The following DENND2B variants were observed in gnomAD, a reference collection of about 807,000 sequenced individuals.
DENND2B encodes the protein DENN domain containing 2B.
DENND2B carries 32 observed loss-of-function variants against 116.0 expected under a neutral mutation model. That is an observed-to-expected ratio of 0.28 (90% CI 0.21 to 0.37). The LOEUF (loss-of-function observed/expected upper bound fraction) is 0.37, where lower values mean the gene tolerates loss of function less well. Among genes scored for constraint, DENND2B ranks in the 10% least tolerant of loss-of-function variants. The probability of loss-of-function intolerance (pLI) is 1.00; values close to 1 mark genes in which losing one functional copy is unlikely to be tolerated. For synonymous variants in DENND2B, 588 were observed against 583.9 expected (o/e 1.01, Z -0.10); for missense variants, 1,276 against 1,477.7 (o/e 0.86, Z 2.24).
chr11:8,714,508 T>A, intron 7 of DENND2B, 102 bp downstream of exon 7: 1 of 1,004,348 alleles, frequency 1.0e-6, no homozygotes, highest in East Asian at 2.5e-5. Flanking sequence ...ACGTGGCCAT[T>A]TCCTGGCAGG....
At chr11:8,704,559 G>T (rs1269779308) in intron 13 of DENND2B, among the ~76,000 whole-genome samples, 1 of 152,200 alleles carries the variant, frequency 6.6e-6, no homozygotes, top group Non-Finnish European at 1.5e-5. Context: ...CCTCAAGCTA[G>T]GATTTGCCAC....
At chr11:8,853,656 G>T (rs888797090) in intron 3 of DENND2B, among the ~76,000 whole-genome samples, 1 of 152,004 alleles carries the variant, frequency 6.6e-6, no homozygotes, top group South Asian at 2.1e-4. Context: ...AAAAGTGAAC[G>T]TAATTGAAAA....
At position 8,702,457 on chromosome 11, in the gene DENND2B, A is replaced by G; in HGVS notation, c.2720+115T>C. The stretch of plus-strand genomic sequence containing the variant: ...CCTAGTCTTCCATCTCCCTACGCAC[A>G]GCCCCACTCCAGCACTGGTCTCCGG... On this transcript the variant is annotated intron_variant, in intron 14 of 19. Coordinates refer to ENST00000313726, the MANE Select transcript of DENND2B (RefSeq NM_213618.2). The surrounding 1 kb of genome is among the most constrained non-coding windows in gnomAD (Gnocchi z 4.6). The G allele has an allele frequency of 6.9e-7, 1 of 1,452,120 alleles. No individual in the cohort carries two copies. Among genetic ancestry groups the G allele is most frequent in the South Asian group, 1.2e-5 (1 of 83,066 alleles). The allele number at this position is 1,452,120 out of a possible 1,614,324, so 90.0% of individuals were successfully genotyped here. A position where few individuals can be genotyped will look rare whatever the true frequency, so the allele number is the denominator to read the frequency against.
At position 8,744,963 on chromosome 11, in the gene DENND2B, C is replaced by T. The variant is rs1474028327; in HGVS notation, c.80+5658G>A. Reference sequence around the variant, plus strand: ...TTAAGACAGGGTTTCAGTCTATGCCCAAGCTGAAGTGCAGTACAATCTTGG... The same window carrying T: ...TTAAGACAGGGTTTCAGTCTATGCCTAAGCTGAAGTGCAGTACAATCTTGG... On this transcript the variant is annotated intron_variant, in intron 2 of 19. Transcript: ENST00000313726. 2.0e-5 allele frequency among the ~76,000 whole-genome samples: 3 copies of T among 151,740 alleles called. No individual in the cohort carries two copies. In the East Asian group the frequency reaches 5.8e-4, roughly 29 times the overall value.
intron 4 of DENND2B, among the ~76,000 whole-genome samples, chr11:8,722,166 T>C (rs141353227): frequency 8.4e-4 from 128 of 152,324 alleles, no homozygotes; most frequent in African/African-American, 2.9e-3. Context: ...CTCAGTATGT[T>C]TGGGAGTACC....
rs2042888077 is a variant in DENND2B, at chr11:8,707,864, G to A, written c.2353-10C>T. 1 of 1,605,598 alleles carries A rather than the reference G, an allele frequency of 6.2e-7. No individual in the cohort carries two copies. Among genetic ancestry groups the A allele is most frequent in the Non-Finnish European group, 8.5e-7 (1 of 1,176,360 alleles). On this transcript the variant is annotated splice_polypyrimidine_tract_variant and intron_variant, in intron 11 of 19. Transcript: ENST00000313726. This position sits in a 1 kb window ranked among gnomAD's most constrained non-coding sequence, Gnocchi z 4.8. ...GCCCTTTCCCACTTGGCTGGGCCAG[G>A]ACAAGGAGGAGGAGGAGAGAGACAG...
At chr11:8,842,902 A>G (rs1433855721) in intron 3 of DENND2B, among the ~76,000 whole-genome samples, 2 of 152,194 alleles carry the variant, frequency 1.3e-5, no homozygotes, top group African/African-American at 2.4e-5. Context: ...AGTTTGATTT[A>G]ATGTTTAGGA....
chr11:8,860,366 GT>G (rs2063350033), intron 2 of DENND2B, among the ~76,000 whole-genome samples: 3 of 152,012 alleles, frequency 2.0e-5, no homozygotes. Flanking sequence ...CAAAATCAAC[GT>G]ACACAAATCA....
At chr11:8,736,908 C>A (rs1215518244) in intron 2 of DENND2B, among the ~76,000 whole-genome samples, 1 of 152,214 alleles carries the variant, frequency 6.6e-6, no homozygotes, top group African/African-American at 2.4e-5. Context: ...AATCTGACTT[C>A]ACATCAGAGG....
chr11:8,714,608 A>ACCT lies in DENND2B; in HGVS notation c.1941_1942+1dup. The ACCT allele has an allele frequency of 1.9e-6, 3 of 1,613,404 alleles. No homozygotes were observed. Among genetic ancestry groups the ACCT allele is most frequent in the Non-Finnish European group, 2.5e-6 (3 of 1,179,516 alleles). ...TGAACCAGCTCTGGCACCAAAGCCT[A>ACCT]CCTCTCAGTGATGCTGTTTCAATGC... is the stretch of plus-strand genomic sequence containing the variant. On this transcript the variant is annotated splice_donor_variant, in intron 7 of 19. Transcript: ENST00000313726. LOFTEE classifies it high-confidence loss of function.
At chr11:8,895,405 T>A (rs936593177) in intron 1 of DENND2B, 13 of 152,172 alleles carry the variant, frequency 8.5e-5, no homozygotes, top group African/African-American at 3.1e-4. Context: ...AAAAAAATTT[T>A]AAAAAAAATG....
chr11:8,764,084 C>T (rs2055165054), intron 1 of DENND2B, among the ~76,000 whole-genome samples: 1 of 152,028 alleles, frequency 6.6e-6, no homozygotes, highest in Non-Finnish European at 1.5e-5. Context: ...ATTAGCTAGG[C>T]ATGAAGGCAG....
intron 1 of DENND2B, among the ~76,000 whole-genome samples, chr11:8,800,973 G>A (rs1039104817): frequency 6.6e-6 from 1 of 151,570 alleles, no homozygotes; most frequent in East Asian, 1.9e-4. Context: ...GGAAGATGAA[G>A]TACCAGGAAC....
At chr11:8,853,708 T>C (rs1594246967) in intron 3 of DENND2B, among the ~76,000 whole-genome samples, 2 of 152,168 alleles carry the variant, frequency 1.3e-5, no homozygotes, top group East Asian at 3.8e-4. Flanking sequence ...ATAATCTTAC[T>C]TTGGTAGAAA....
chr11:8,802,748 G>T (rs1252930248), intron 1 of DENND2B, among the ~76,000 whole-genome samples: 1 of 152,160 alleles, frequency 6.6e-6, no homozygotes, highest in Non-Finnish European at 1.5e-5. Context: ...CAAAGACCTG[G>T]TCTAAGGCTA....
In DENND2B at chr11:8,740,234, C is replaced by G. The variant is rs549824431; in HGVS notation, c.81-9025G>C. 4.4e-4 allele frequency among the ~76,000 whole-genome samples: 67 copies of G among 151,626 alleles called. No homozygotes were observed. The South Asian group carries it at 5.2e-3, about 12-fold the overall frequency. On this transcript the variant is annotated intron_variant, in intron 2 of 19. Transcript: ENST00000313726. ...AAAGAAACAAGAAAAGAAAAAGCATCATGTGTATGTGTGCGCATGCACATA... is the reference window on the plus strand; with the variant it reads ...AAAGAAACAAGAAAAGAAAAAGCATGATGTGTATGTGTGCGCATGCACATA...
chr11:8,847,574 C>T (rs890462896), intron 3 of DENND2B, among the ~76,000 whole-genome samples: 9 of 151,972 alleles, frequency 5.9e-5, no homozygotes, highest in South Asian at 4.2e-4. Flanking sequence ...CAAAGCTTAA[C>T]GATAGAAAAG....
At position 8,712,489 on chromosome 11, in the gene DENND2B, C is replaced by G. The variant is rs2043938569; in HGVS notation, c.2172+62G>C. On this transcript the variant is annotated intron_variant, in intron 9 of 19. Coordinates refer to ENST00000313726, the MANE Select transcript of DENND2B (RefSeq NM_213618.2). This position sits in a 1 kb window ranked among gnomAD's most constrained non-coding sequence, Gnocchi z 4.4. ...AGATCTCTCTCCTTCCCCAGATAGGCCTGGCGGATAGAGGATGGAAGAGGG... is the reference window on the plus strand; with the variant it reads ...AGATCTCTCTCCTTCCCCAGATAGGGCTGGCGGATAGAGGATGGAAGAGGG... 1.3e-6 allele frequency: 2 copies of G among 1,488,758 alleles called. No individual in the cohort carries two copies. The highest frequency in any genetic ancestry group is 1.3e-5 in the South Asian group (1 of 76,892). The allele number at this position is 1,488,758 out of a possible 1,614,324, so 92.2% of individuals were successfully genotyped here. A position where few individuals can be genotyped will look rare whatever the true frequency, so the allele number is the denominator to read the frequency against.
At chr11:8,705,924 C>G (rs1404095858) in intron 13 of DENND2B, among the ~76,000 whole-genome samples, 2 of 152,270 alleles carry the variant, frequency 1.3e-5, no homozygotes, top group East Asian at 3.8e-4. Context: ...CGACCATTAT[C>G]TACATGGCAG....
Sources: gnomAD v4.1 joint callset for allele counts (sites outside exome capture counted in the v4.1 genomes callset) on GRCh38, gnomAD v4.1.1 for gene constraint, Gnocchi (gnomAD v3.1) non-coding constraint, MANE v1.5 for transcripts, NCBI Gene and HGNC (gene_info 2026-07-23, HGNC 2026-07-21) for gene names.